The following CIB4 variants were observed in gnomAD, a reference collection of about 807,000 sequenced individuals.
CIB4 encodes calcium and integrin binding family member 4.
CIB4 carries 25 observed loss-of-function variants against 25.8 expected under a neutral mutation model. The ratio of observed to expected loss-of-function variants is 0.97; its 90% CI spans 0.71 to 1.35. The LOEUF (loss-of-function observed/expected upper bound fraction) is 1.35. CIB4 is among the 40% of genes most tolerant of loss of function. CIB4 has a pLI of 0.00. For missense variants in CIB4, 235 were observed against 228.2 expected, an observed-to-expected ratio of 1.03 and a Z score of -0.19; for synonymous variants, 75 against 81.4, an observed-to-expected ratio of 0.92 and a Z score of 0.42.
rs897231156 is a variant in CIB4, at chr2:26,627,890, G to A, written c.186+1520C>T. ...ATAGGCCTGTCACTTAGGAGGGGCC[G>A]TGCAGCCGTGGCTTGAATGACATGT... On this transcript the variant is annotated intron_variant, in intron 3 of 6. Transcript: ENST00000288861. The surrounding 1 kb of genome is among the most constrained non-coding windows in gnomAD (Gnocchi z 4.0). Among the ~76,000 whole-genome samples the A allele has an allele frequency of 2.0e-5, 3 of 152,058 alleles. No individual in the cohort carries two copies. Among genetic ancestry groups the A allele is most frequent in the African/African-American group, 4.8e-5 (2 of 41,402 alleles).
At chr2:26,584,880 G>C (rs567451776) in intron 4 of CIB4, among the ~76,000 whole-genome samples, 1 of 152,270 alleles carries the variant, frequency 6.6e-6, no homozygotes, top group South Asian at 2.1e-4. Context: ...ACTCCCGTGT[G>C]TGCCGGCTGC....
chr2:26,632,673 G>C lies in CIB4; in HGVS notation c.90-3167C>G, dbSNP rs973111229. Among the ~76,000 whole-genome samples, 4 of 151,716 alleles carry C rather than the reference G, an allele frequency of 2.6e-5. No individual in the cohort carries two copies. In the South Asian group the frequency reaches 8.3e-4, roughly 32 times the overall value. ...CTCCAGAGGCTGAGGCAGGAGAATC[G>C]CTTGAACTCGGGAGGTAGAGCTTCC... On this transcript the variant is annotated intron_variant, in intron 2 of 6. Transcript: ENST00000288861.
chr2:26,634,885 C>A (rs1195649212), intron 2 of CIB4, among the ~76,000 whole-genome samples: 1 of 152,264 alleles, frequency 6.6e-6, no homozygotes, highest in South Asian at 2.1e-4. Flanking sequence ...TGTCAGGAAC[C>A]ATCCCAGGCA....
At chr2:26,628,065 A>G (rs1245912292) in intron 3 of CIB4, among the ~76,000 whole-genome samples, 1 of 152,226 alleles carries the variant, frequency 6.6e-6, no homozygotes, top group Non-Finnish European at 1.5e-5. Flanking sequence ...GACAAACTGA[A>G]GTCATTATTC....
chr2:26,589,089 CTTCTTCTTCTTCT>C, intron 4 of CIB4, among the ~76,000 whole-genome samples: 3 of 103,748 alleles, frequency 2.9e-5, no homozygotes, highest in African/African-American at 1.3e-4. Flanking sequence ...TCTTCTTCTT[CTTCTTCTTCTTCT>C]TCTTCCTCTT....
intron 3 of CIB4, among the ~76,000 whole-genome samples, chr2:26,622,435 A>C (rs543666526): frequency 2.6e-5 from 4 of 152,120 alleles, no homozygotes; most frequent in Non-Finnish European, 4.4e-5. Context: ...ATGTAACTAT[A>C]TTGGGAGGGC....
intron 4 of CIB4, among the ~76,000 whole-genome samples, chr2:26,592,219 AT>A (rs1281620607): frequency 2.0e-5 from 3 of 152,250 alleles, no homozygotes; most frequent in Non-Finnish European, 4.4e-5. Context: ...CTGGGCTGGC[AT>A]CTTCCCAGAG....
chr2:26,605,929 T>A (rs934419858), intron 3 of CIB4, among the ~76,000 whole-genome samples: 3 of 152,090 alleles, frequency 2.0e-5, no homozygotes, highest in African/African-American at 7.2e-5. Flanking sequence ...CCCAAGAAAA[T>A]GTTTCAAAAT....
intron 2 of CIB4, among the ~76,000 whole-genome samples, chr2:26,639,994 C>T (rs1669604786): frequency 6.6e-6 from 1 of 152,120 alleles, no homozygotes; most frequent in African/African-American, 2.4e-5. Context: ...AATGAAGTTT[C>T]TTCCCCACTG....
At chr2:26,584,879 T>C (rs1668420911) in intron 4 of CIB4, among the ~76,000 whole-genome samples, 1 of 152,138 alleles carries the variant, frequency 6.6e-6, no homozygotes, top group African/African-American at 2.4e-5. Flanking sequence ...GACTCCCGTG[T>C]GTGCCGGCTG....
At chr2:26,625,634 G>A (rs1187291732) in intron 3 of CIB4, among the ~76,000 whole-genome samples, 1 of 152,218 alleles carries the variant, frequency 6.6e-6, no homozygotes, top group East Asian at 1.9e-4. Flanking sequence ...TTACAGGCGT[G>A]AGCCACTGTG....
intron 3 of CIB4, among the ~76,000 whole-genome samples, chr2:26,618,879 C>T (rs557800282): frequency 1.1e-4 from 17 of 152,274 alleles, no homozygotes; most frequent in African/African-American, 3.9e-4. Context: ...CATCTCCCAC[C>T]GGCCTCTCTA....
intron 2 of CIB4, among the ~76,000 whole-genome samples, chr2:26,630,251 G>A (rs1558573875): frequency 2.0e-5 from 3 of 152,170 alleles, no homozygotes; most frequent in Non-Finnish European, 4.4e-5. Flanking sequence ...CTCATTGCCT[G>A]TCTCTCTCAC....
chr2:26,622,409 T>A (rs1219885124), intron 3 of CIB4, among the ~76,000 whole-genome samples: 1 of 151,994 alleles, frequency 6.6e-6, no homozygotes, highest in African/African-American at 2.4e-5. Context: ...TGACTATTGA[T>A]CTCCCCCAAA....
At chr2:26,612,892 A>T (rs1036303401) in intron 3 of CIB4, among the ~76,000 whole-genome samples, 8 of 151,884 alleles carry the variant, frequency 5.3e-5, no homozygotes, top group Non-Finnish European at 1.5e-5. Flanking sequence ...GAGATAACTT[A>T]TCTCCCATCT....
chr2:26,638,378 C>T (rs986411199), intron 2 of CIB4, among the ~76,000 whole-genome samples: 1 of 152,108 alleles, frequency 6.6e-6, no homozygotes, highest in Non-Finnish European at 1.5e-5. Flanking sequence ...AAGCATGGCT[C>T]GCTTCCAAGG....
At chr2:26,592,820 T>A (rs1668608846) in intron 4 of CIB4, among the ~76,000 whole-genome samples, 1 of 152,254 alleles carries the variant, frequency 6.6e-6, no homozygotes, top group Admixed American at 6.5e-5. Context: ...TAGTTTCTAC[T>A]TCTTTGCTGA....
At chr2:26,589,081 T>TTCTTCTTCTTCTTCTTCTTCC (rs1668526596) in intron 4 of CIB4, among the ~76,000 whole-genome samples, 2 of 84,108 alleles carry the variant, frequency 2.4e-5, no homozygotes, top group Admixed American at 1.2e-4. Flanking sequence ...CCTCTTCTTC[T>TTCTTCTTCTTCTTCTTCTTCC]TCTTCTTCTT....
intron 3 of CIB4, among the ~76,000 whole-genome samples, chr2:26,599,619 TA>T (rs1304949080): frequency 2.0e-5 from 3 of 152,188 alleles, no homozygotes; most frequent in African/African-American, 7.2e-5. Flanking sequence ...AAGAGCTCAT[TA>T]AAAAAATCAA....
Sources: allele counts gnomAD v4.1 joint callset (sites outside exome capture counted in the v4.1 genomes callset), GRCh38; gene constraint gnomAD v4.1.1; non-coding constraint Gnocchi (gnomAD v3.1); transcripts MANE v1.5; gene names NCBI Gene and HGNC (gene_info 2026-07-23, HGNC 2026-07-21).